Variants in ADCY8 observed in about 807,000 individuals in gnomAD.
ADCY8 encodes the protein adenylate cyclase type 8.
In ADCY8, 51 loss-of-function variants were observed where a neutral mutation model predicts 119.7. The observed-to-expected ratio is 0.43, with a 90% CI of 0.34 to 0.54. ADCY8 has a LOEUF of 0.54. Among genes scored for constraint, ADCY8 ranks in the 20% least tolerant of loss-of-function variants. The pLI, the probability that ADCY8 is intolerant of heterozygous loss-of-function variation, is 0.03. For missense variants in ADCY8, 1,383 were observed against 1,598.8 expected, an observed-to-expected ratio of 0.87 and a Z score of 2.30; for synonymous variants, 665 against 651.0, an observed-to-expected ratio of 1.02 and a Z score of -0.33.
At position 130,903,687 on chromosome 8, in the gene ADCY8, A is replaced by G. The variant is rs549527954; in HGVS notation, c.1911+85T>C. On this transcript the variant is annotated intron_variant, in intron 7 of 17. Transcript: ENST00000286355. ...TTCATTGGAGAAAAGGTTAAAGATG[A>G]ATCAGTTTTCTCTGAGGTGTCTGGA... is the stretch of plus-strand genomic sequence containing the variant. The G allele has an allele frequency of 1.4e-5, 20 of 1,451,886 alleles. No individual in the cohort carries two copies. The African/African-American group carries it at 2.4e-4, about 17-fold the overall frequency. The allele number at this position is 1,451,886 out of a possible 1,614,324, so 89.9% of individuals were successfully genotyped here. A position where few individuals can be genotyped will look rare whatever the true frequency, so the allele number is the denominator to read the frequency against.
intron 12 of ADCY8, among the ~76,000 whole-genome samples, chr8:130,829,932 A>G (rs1193764890): frequency 1.3e-5 from 2 of 152,194 alleles, no homozygotes; most frequent in African/African-American, 2.4e-5. Context: ...AGAACCATGC[A>G]TGAACATGCC....
At chr8:131,004,696 G>C (rs1411181) in intron 1 of ADCY8, among the ~76,000 whole-genome samples, 1 of 152,116 alleles carries the variant, frequency 6.6e-6, no homozygotes, top group Non-Finnish European at 1.5e-5. Flanking sequence ...AGGGTTATAC[G>C]TATGTGGACC....
chr8:130,945,018 C>T (rs1821066538), intron 3 of ADCY8, among the ~76,000 whole-genome samples: 1 of 152,122 alleles, frequency 6.6e-6, no homozygotes, highest in Admixed American at 6.5e-5. Context: ...AAAGTCTCAG[C>T]TGGTTCTTGA....
chr8:130,961,594 AGAATCT>A (rs1821608246), intron 2 of ADCY8, among the ~76,000 whole-genome samples: 1 of 152,174 alleles, frequency 6.6e-6, no homozygotes, highest in Non-Finnish European at 1.5e-5. Flanking sequence ...CCTGCAACAC[AGAATCT>A]TTTTATCCTT....
At chr8:130,846,777 T>TC (rs759289999) in intron 11 of ADCY8, among the ~76,000 whole-genome samples, 58 of 76,274 alleles carry the variant, frequency 7.6e-4, no homozygotes, top group South Asian at 2.9e-3. Context: ...CTTCCTTCCT[T>TC]CTCCTTCCTT....
At chr8:130,999,627 G>A (rs1163123952) in intron 1 of ADCY8, among the ~76,000 whole-genome samples, 1 of 152,174 alleles carries the variant, frequency 6.6e-6, no homozygotes, top group African/African-American at 2.4e-5. Flanking sequence ...AGCACACTTT[G>A]TACAAGGAAC....
intron 1 of ADCY8, among the ~76,000 whole-genome samples, chr8:131,024,610 T>C (rs1823768981): frequency 6.6e-6 from 1 of 152,190 alleles, no homozygotes; most frequent in South Asian, 2.1e-4. Flanking sequence ...AAATGAGAGA[T>C]AGGCAAGTGC....
intron 2 of ADCY8, among the ~76,000 whole-genome samples, chr8:130,985,688 T>G (rs984066321): frequency 4.6e-5 from 7 of 152,182 alleles, no homozygotes; most frequent in African/African-American, 1.7e-4. Flanking sequence ...ATATTATTTT[T>G]AACTTTAAAA....
At chr8:130,884,205 G>T (rs1033012820) in intron 8 of ADCY8, among the ~76,000 whole-genome samples, 1 of 152,152 alleles carries the variant, frequency 6.6e-6, no homozygotes, top group African/African-American at 2.4e-5. Context: ...TGTTAAAATG[G>T]TTGCAGCTGA....
intron 2 of ADCY8, among the ~76,000 whole-genome samples, chr8:130,977,101 C>A (rs1822094538): frequency 6.6e-6 from 1 of 152,294 alleles, no homozygotes; most frequent in Middle Eastern, 3.4e-3. Context: ...GAAGTCTCCA[C>A]CCCTTTACTA....
At chr8:130,900,187 T>C (rs1380804708) in intron 7 of ADCY8, among the ~76,000 whole-genome samples, 2 of 152,250 alleles carry the variant, frequency 1.3e-5, no homozygotes, top group African/African-American at 4.8e-5. Flanking sequence ...GAGCAAAACT[T>C]GGATACCAGA....
chr8:130,951,010 T>C (rs1219286490), intron 3 of ADCY8, among the ~76,000 whole-genome samples: 1 of 152,214 alleles, frequency 6.6e-6, no homozygotes, highest in Non-Finnish European at 1.5e-5. Flanking sequence ...TACATTTCTT[T>C]TAAATCAGTC....
At chr8:130,995,124 C>T (rs1343731278) in intron 1 of ADCY8, among the ~76,000 whole-genome samples, 1 of 152,174 alleles carries the variant, frequency 6.6e-6, no homozygotes, top group Non-Finnish European at 1.5e-5. Flanking sequence ...AATATTTCTA[C>T]TCATGAGTTC....
rs533857081 is a variant in ADCY8, at chr8:130,783,884, C to T, written c.3154-79G>A. 4.4e-5 allele frequency: 49 copies of T among 1,119,492 alleles called. 1 individual carries two copies. The highest frequency in any genetic ancestry group is 2.1e-4 in the South Asian group (15 of 69,828). 69.3% of individuals were successfully genotyped at this position (1,119,492 alleles called of 1,614,324 possible). On this transcript the variant is annotated intron_variant, in intron 16 of 17. Transcript: ENST00000286355. ...TAACATTTCTGCAGCAGGGGCTTTA[C>T]GTCCTAACCCAACCCTACCTGCACA...
chr8:130,959,845 A>C (rs1324151017), intron 2 of ADCY8, among the ~76,000 whole-genome samples: 1 of 152,096 alleles, frequency 6.6e-6, no homozygotes, highest in East Asian at 1.9e-4. Context: ...AGCCAAGTGC[A>C]GTGGAGTAGA....
intron 1 of ADCY8, among the ~76,000 whole-genome samples, chr8:130,995,988 G>C (rs758020810): frequency 3.3e-5 from 5 of 152,154 alleles, no homozygotes; most frequent in East Asian, 1.9e-4. Context: ...ATAAGTTCTA[G>C]ATATTTGATA....
At chr8:131,036,442 T>A (rs1320262077) in intron 1 of ADCY8, among the ~76,000 whole-genome samples, 1 of 152,194 alleles carries the variant, frequency 6.6e-6, no homozygotes, top group Non-Finnish European at 1.5e-5. Flanking sequence ...ATATTTCCTA[T>A]ATGATGAATT....
At chr8:131,017,224 C>T (rs745832519) in intron 1 of ADCY8, among the ~76,000 whole-genome samples, 42 of 152,144 alleles carry the variant, frequency 2.8e-4, no homozygotes, top group South Asian at 6.2e-4. Flanking sequence ...CATGTGCCAC[C>T]ACGCCCGGCT....
intron 6 of ADCY8, 116 bp downstream of exon 6, chr8:130,909,592 C>T (rs1235010299): frequency 7.1e-6 from 9 of 1,268,600 alleles, no homozygotes; most frequent in Non-Finnish European, 1.0e-5. Context: ...GTCTGGTCTC[C>T]TTCCAAATAA....
Sources: gnomAD v4.1 joint callset for allele counts (sites outside exome capture counted in the v4.1 genomes callset) on GRCh38, gnomAD v4.1.1 for gene constraint, MANE v1.5 for transcripts, NCBI Gene and HGNC (gene_info 2026-07-23, HGNC 2026-07-21) for gene names.